The following PLEKHA6 variants were observed in gnomAD, a reference collection of about 807,000 sequenced individuals.
The protein encoded by PLEKHA6 is pleckstrin homology domain containing A6, also known as pleckstrin homology domain-containing family A member 6.
Under a neutral mutation model 116.7 loss-of-function variants are expected in PLEKHA6, and 60 were observed. The observed-to-expected ratio is 0.51, with a 90% CI of 0.42 to 0.64. PLEKHA6 has a LOEUF of 0.64. Among genes scored for constraint, PLEKHA6 ranks in the 30% least tolerant of loss-of-function variants. The pLI is 0.00. For missense variants in PLEKHA6, 1,338 were observed against 1,422.7 expected (o/e 0.94, Z 0.96); for synonymous variants, 489 against 556.1 (o/e 0.88, Z 1.70).
chr1:204,240,570 A>G (rs1662667047), intron 17 of PLEKHA6, among the ~76,000 whole-genome samples: 1 of 152,196 alleles, frequency 6.6e-6, no homozygotes, highest in African/African-American at 2.4e-5. Flanking sequence ...TAAGCATTGA[A>G]GTATTGTTAA....
chr1:204,247,526 A>G (rs1663888125), intron 12 of PLEKHA6, 66 bp from the exon 13 acceptor site: 2 of 1,061,150 alleles, frequency 1.9e-6, no homozygotes, highest in South Asian at 1.3e-5. Flanking sequence ...TTATCCTGCA[A>G]TGGACCCTGG....
At chr1:204,313,703 G>T (rs1311514857) in intron 1 of PLEKHA6, 1 of 985,102 alleles carries the variant, frequency 1.0e-6, no homozygotes. Flanking sequence ...CTGACATTCT[G>T]CAGCTAACCA....
At chr1:204,300,235 T>C (rs990310885) in intron 1 of PLEKHA6, among the ~76,000 whole-genome samples, 10 of 152,194 alleles carry the variant, frequency 6.6e-5, no homozygotes, top group African/African-American at 1.2e-4. Flanking sequence ...TATTTCAAGC[T>C]GCTCATCACT....
chr1:204,376,168 T>C (rs1673866303), intron 1 of PLEKHA6, among the ~76,000 whole-genome samples: 1 of 152,178 alleles, frequency 6.6e-6, no homozygotes, highest in Non-Finnish European at 1.5e-5. Flanking sequence ...CAATAAATGT[T>C]TGTAGAATGA....
chr1:204,309,991 T>C (rs1345937271), intron 1 of PLEKHA6, among the ~76,000 whole-genome samples: 1 of 152,138 alleles, frequency 6.6e-6, no homozygotes, highest in Non-Finnish European at 1.5e-5. Flanking sequence ...GACACTAAAA[T>C]TTGAATTTCA....
In PLEKHA6 at chr1:204,248,800, G is replaced by A. The variant is rs144111902; in HGVS notation, c.1824+21C>T. ...CTAGTGCTGATGAGGTGGGGTGCACGAACCCCGCTCCCTGGGTTACCGTGG... is the reference window on the plus strand; with the variant it reads ...CTAGTGCTGATGAGGTGGGGTGCACAAACCCCGCTCCCTGGGTTACCGTGG... On this transcript the variant is annotated intron_variant, in intron 12 of 22. Transcript: ENST00000272203. The A allele has an allele frequency of 1.6e-4, 261 of 1,609,968 alleles. 1 individual carries two copies. The highest frequency in any genetic ancestry group is 5.3e-4 in the Middle Eastern group (3 of 5,704).
intron 1 of PLEKHA6, among the ~76,000 whole-genome samples, chr1:204,375,483 T>C (rs2103422794): frequency 6.6e-6 from 1 of 152,144 alleles, no homozygotes. Context: ...CCTGAAGATT[T>C]CTCCCATCTC....
chr1:204,243,321 G>A (rs1663120990), intron 15 of PLEKHA6: 2 of 399,658 alleles, frequency 5.0e-6, no homozygotes, highest in Non-Finnish European at 8.8e-6. Context: ...TGTGAGAGCA[G>A]GAGAAAAGAG....
At chr1:204,302,811 G>T (rs955138791) in intron 1 of PLEKHA6, among the ~76,000 whole-genome samples, 1 of 152,188 alleles carries the variant, frequency 6.6e-6, no homozygotes, top group Non-Finnish European at 1.5e-5. Flanking sequence ...AGGAGGTGGA[G>T]GTTGTGGTGA....
intron 1 of PLEKHA6, among the ~76,000 whole-genome samples, chr1:204,331,917 C>G (rs1051028446): frequency 6.6e-6 from 1 of 151,916 alleles, no homozygotes; most frequent in Non-Finnish European, 1.5e-5. Flanking sequence ...TCCATCCCAG[C>G]CCACTTTGCT....
chr1:204,357,878 C>T (rs1673459493), intron 1 of PLEKHA6, among the ~76,000 whole-genome samples: 1 of 152,254 alleles, frequency 6.6e-6, no homozygotes, highest in Non-Finnish European at 1.5e-5. Context: ...GCTCTGATGT[C>T]AGCCCGGGAG....
chr1:204,249,050 G>A (rs1354228197), intron 11 of PLEKHA6, 80 bp from the exon 12 acceptor site: 2 of 1,538,544 alleles, frequency 1.3e-6, no homozygotes, highest in Admixed American at 3.5e-5. Flanking sequence ...TGAGCCCTTA[G>A]AGGTTCAACA....
chr1:204,374,984 C>T (rs74138392), intron 1 of PLEKHA6, among the ~76,000 whole-genome samples: 16,384 of 152,122 alleles, frequency 0.11, 1,046 homozygotes, highest in Middle Eastern at 0.17. Flanking sequence ...TCTGCTGCAT[C>T]CAATACTGTT....
At chr1:204,271,971 C>T (rs1481044305) in intron 3 of PLEKHA6, among the ~76,000 whole-genome samples, 1 of 152,126 alleles carries the variant, frequency 6.6e-6, no homozygotes, top group African/African-American at 2.4e-5. Context: ...CATATATATA[C>T]ATGTGCCATG....
intron 1 of PLEKHA6, chr1:204,297,759 C>A: frequency 2.9e-6 from 1 of 346,258 alleles, no homozygotes; most frequent in Non-Finnish European, 4.1e-6. Flanking sequence ...CCACCAGAAA[C>A]ATCGGAACTG....
At chr1:204,254,966 G>A (rs1331428773) in intron 9 of PLEKHA6, among the ~76,000 whole-genome samples, 2 of 152,168 alleles carry the variant, frequency 1.3e-5, no homozygotes, top group Non-Finnish European at 2.9e-5. Context: ...CCCCGGAGCA[G>A]AGACCAGGCA....
In PLEKHA6 at chr1:204,259,677, G is replaced by A. The variant is rs766892076; in HGVS notation, c.588C>T (p.Asn196=). Residue 196 remains asparagine (N), a synonymous_variant, in exon 8 of 23, where the codon AAC becomes AAT. Transcript: ENST00000272203. This position sits in a 1 kb window ranked among gnomAD's most constrained non-coding sequence, Gnocchi z 4.6. The part of the protein sequence containing the change: ...PSKHHQQPPH[N]SLPKPEPEAK... Reference sequence around the variant, plus strand: ...CCTCTGGCTCAGGCTTAGGGAGGCTGTTGTGGGGTGGCTGCTGGTGGTGCT... The same window carrying A: ...CCTCTGGCTCAGGCTTAGGGAGGCTATTGTGGGGTGGCTGCTGGTGGTGCT... 3.1e-6 allele frequency: 5 copies of A among 1,613,970 alleles called. No homozygotes were observed. Among genetic ancestry groups the A allele is most frequent in the Non-Finnish European group, 3.4e-6 (4 of 1,179,986 alleles).
At position 204,230,593 on chromosome 1, in the gene PLEKHA6, C is replaced by T; in HGVS notation, c.2410-7G>A. On this transcript the variant is annotated splice_region_variant and splice_polypyrimidine_tract_variant and intron_variant, in intron 17 of 22. Coordinates refer to ENST00000272203, the MANE Select transcript of PLEKHA6 (RefSeq NM_014935.5). ...CAGCACTCTTGGGGCGTTCCTGCTG[C>T]CATGGGAAAACAGGGCTCTGACAAG... The T allele has an allele frequency of 1.9e-6, 3 of 1,594,882 alleles. No homozygotes were observed. The highest frequency in any genetic ancestry group is 1.1e-5 in the South Asian group (1 of 87,562).
At chr1:204,295,019 G>A (rs746353753) in intron 1 of PLEKHA6, among the ~76,000 whole-genome samples, 10 of 152,170 alleles carry the variant, frequency 6.6e-5, no homozygotes, top group Admixed American at 6.5e-4. Flanking sequence ...CATCAAGATA[G>A]TACCCTCTCC....
Sources: allele counts gnomAD v4.1 joint callset (sites outside exome capture counted in the v4.1 genomes callset), GRCh38; gene constraint gnomAD v4.1.1; non-coding constraint Gnocchi (gnomAD v3.1); transcripts MANE v1.5; gene names NCBI Gene and HGNC (gene_info 2026-07-23, HGNC 2026-07-21).